The following SMARCAL1 variants were observed in gnomAD, a reference collection of about 807,000 sequenced individuals.
SMARCAL1 encodes ATP-driven annealing helicase.
A neutral mutation model predicts 94.5 loss-of-function variants in SMARCAL1; 58 were observed. The ratio of observed to expected loss-of-function variants is 0.61; its 90% CI spans 0.50 to 0.76. The LOEUF (loss-of-function observed/expected upper bound fraction) is 0.76. SMARCAL1 is among the 30% of genes least tolerant of loss of function. SMARCAL1 has a pLI of 0.00. For missense variants in SMARCAL1, 1,051 were observed against 1,177.9 expected, an observed-to-expected ratio of 0.89 and a Z score of 1.58; for synonymous variants, 422 against 455.1, an observed-to-expected ratio of 0.93 and a Z score of 0.93.
At chr2:216,451,774 A>G (rs1438830602) in intron 12 of SMARCAL1, among the ~76,000 whole-genome samples, 1 of 152,076 alleles carries the variant, frequency 6.6e-6, no homozygotes, top group Non-Finnish European at 1.5e-5. Context: ...ATACTGTGCT[A>G]AGTGCTATAA....
intron 14 of SMARCAL1, among the ~76,000 whole-genome samples, chr2:216,469,279 C>CTTTTTT (rs71054477): frequency 3.9e-5 from 4 of 102,996 alleles, no homozygotes; most frequent in East Asian, 2.7e-4. Context: ...TTAGAGATTT[C>CTTTTTT]TTTTTTTTTT....
At chr2:216,474,128 C>CTTTTTT (rs1182416023) in intron 14 of SMARCAL1, among the ~76,000 whole-genome samples, 9 of 64,926 alleles carry the variant, frequency 1.4e-4, no homozygotes, top group East Asian at 5.9e-4. Flanking sequence ...GTATAGCATT[C>CTTTTTT]TTTTTTTTTT....
At chr2:216,455,610 C>A (rs1694548019) in intron 12 of SMARCAL1, among the ~76,000 whole-genome samples, 1 of 152,226 alleles carries the variant, frequency 6.6e-6, no homozygotes. Context: ...GGTCCTCCAG[C>A]AAACTCCAAC....
chr2:216,457,340 T>A (rs542034948), intron 12 of SMARCAL1, among the ~76,000 whole-genome samples: 23 of 152,322 alleles, frequency 1.5e-4, no homozygotes, highest in African/African-American at 4.1e-4. Flanking sequence ...CAAGCGGACC[T>A]AATAGACATC....
At chr2:216,436,979 A>G (rs1483375919) in intron 9 of SMARCAL1, among the ~76,000 whole-genome samples, 1 of 152,226 alleles carries the variant, frequency 6.6e-6, no homozygotes, top group East Asian at 1.9e-4. Context: ...CTGGCCCATC[A>G]CTTAACCTGC....
intron 17 of SMARCAL1, among the ~76,000 whole-genome samples, 170 bp downstream of exon 17, chr2:216,478,469 G>A (rs986819483): frequency 6.6e-6 from 1 of 152,144 alleles, no homozygotes; most frequent in African/African-American, 2.4e-5. Flanking sequence ...TGCATGCATC[G>A]CTTTATGGGG....
intron 10 of SMARCAL1, among the ~76,000 whole-genome samples, chr2:216,445,864 C>A (rs1361864554): frequency 6.6e-6 from 1 of 152,146 alleles, no homozygotes; most frequent in Non-Finnish European, 1.5e-5. Flanking sequence ...AATGATTTTT[C>A]TTTTCACTGT....
At chr2:216,446,629 A>G in intron 10 of SMARCAL1, 2 of 460,672 alleles carry the variant, frequency 4.3e-6, no homozygotes, top group Non-Finnish European at 8.7e-6. Context: ...GTTCTCCAGG[A>G]TACTAATTAG....
At chr2:216,447,540 A>T (rs112462395) in intron 11 of SMARCAL1, among the ~76,000 whole-genome samples, 86 of 152,188 alleles carry the variant, frequency 5.7e-4, no homozygotes, top group African/African-American at 1.8e-3. Flanking sequence ...CCTAGAGAAG[A>T]TGCTGGCACT....
chr2:216,464,725 A>G (rs1003805521), intron 13 of SMARCAL1, 58 bp downstream of exon 13: 32 of 1,099,522 alleles, frequency 2.9e-5, no homozygotes, highest in Non-Finnish European at 1.4e-6. Flanking sequence ...AAAAAAAAAC[A>G]ACTTATTACT....
At chr2:216,463,717 T>C (rs1694761069) in intron 12 of SMARCAL1, among the ~76,000 whole-genome samples, 1 of 152,148 alleles carries the variant, frequency 6.6e-6, no homozygotes, top group African/African-American at 2.4e-5. Context: ...GTGGGAGGTA[T>C]ACCAAGAACA....
intron 12 of SMARCAL1, among the ~76,000 whole-genome samples, chr2:216,462,075 G>A (rs192940440): frequency 5.9e-5 from 9 of 152,290 alleles, no homozygotes; most frequent in East Asian, 3.9e-4. Flanking sequence ...GGGTTGGTAC[G>A]TTTTGCTGCA....
At chr2:216,460,811 T>G (rs1694681558) in intron 12 of SMARCAL1, among the ~76,000 whole-genome samples, 1 of 152,234 alleles carries the variant, frequency 6.6e-6, no homozygotes, top group East Asian at 1.9e-4. Context: ...GTTGTGCACA[T>G]GTACCCTAGA....
intron 14 of SMARCAL1, among the ~76,000 whole-genome samples, chr2:216,471,821 A>G (rs565338742): frequency 6.6e-6 from 1 of 152,354 alleles, no homozygotes; most frequent in East Asian, 1.9e-4. Context: ...GCTGTTTATA[A>G]TATTCAATAA....
rs1033156954 is a variant in SMARCAL1, at chr2:216,482,866, T to C, written c.2754T>C (p.Ser918=). ...PGSASGTSGS[S]SQNMGDTLDE... ...GTGCTTCAGGAACATCTGGAAGTAGTTCCCAGAACATGGGAGACACCCTGG... is the reference window on the plus strand; with the variant it reads ...GTGCTTCAGGAACATCTGGAAGTAGCTCCCAGAACATGGGAGACACCCTGG... Residue 918 remains serine (S), a synonymous_variant, in exon 18 of 18, where the codon AGT becomes AGC. Transcript: ENST00000357276. This position sits in a 1 kb window ranked among gnomAD's most constrained non-coding sequence, Gnocchi z 4.3. 6 of 1,614,076 alleles carry C rather than the reference T, an allele frequency of 3.7e-6. No homozygotes were observed. Among genetic ancestry groups the C allele is most frequent in the Non-Finnish European group, 4.2e-6 (5 of 1,180,060 alleles).
chr2:216,436,482 G>T (rs951711503), intron 9 of SMARCAL1, among the ~76,000 whole-genome samples: 1 of 152,200 alleles, frequency 6.6e-6, no homozygotes, highest in Non-Finnish European at 1.5e-5. Flanking sequence ...AGAAGATACC[G>T]TTACTGACCT....
chr2:216,454,376 A>G (rs1298115690), intron 12 of SMARCAL1, among the ~76,000 whole-genome samples: 1 of 152,244 alleles, frequency 6.6e-6, no homozygotes, highest in Admixed American at 6.5e-5. Flanking sequence ...AGTAACATTT[A>G]TTGAATACTT....
Position 216,415,069 on chromosome 2 carries a change from T to A in SMARCAL1, c.365T>A (p.Ile122Asn), listed in dbSNP as rs765105653. Residue 122 changes from isoleucine (I) to asparagine (N), a missense_variant, in exon 3 of 18, where the codon ATC becomes AAC. Ile to Asn is a moderately radical substitution (Grantham distance 149). Around this residue, in one of 3 missense-constraint regions of SMARCAL1, gnomAD observed 398 missense variants for 395.2 expected, o/e 1.01. Coordinates refer to ENST00000357276, the MANE Select transcript of SMARCAL1 (RefSeq NM_014140.4). Reference protein sequence around the residue: ...SPRSQMALTGISPPLAQSPPE... With the variant: ...SPRSQMALTGNSPPLAQSPPE... ...CGTAGTCAAATGGCTCTCACTGGAA[T>A]CTCTCCTCCCTTGGCACAAAGTCCT... 6.2e-7 allele frequency: 1 copy of A among 1,614,200 alleles called. No individual in the cohort carries two copies. Among genetic ancestry groups the A allele is most frequent in the Non-Finnish European group, 8.5e-7 (1 of 1,180,034 alleles).
intron 15 of SMARCAL1, among the ~76,000 whole-genome samples, chr2:216,476,260 A>C (rs1172841589): frequency 3.9e-5 from 6 of 151,978 alleles, no homozygotes; most frequent in Non-Finnish European, 7.4e-5. Flanking sequence ...TAATGGGTAG[A>C]CCTTGAGGGT....
Sources: gnomAD v4.1 joint callset for allele counts (sites outside exome capture counted in the v4.1 genomes callset) on GRCh38, gnomAD v4.1.1 for gene constraint, gnomAD v4.1.1 regional missense constraint, Gnocchi (gnomAD v3.1) non-coding constraint, MANE v1.5 for transcripts, NCBI Gene and HGNC (gene_info 2026-07-23, HGNC 2026-07-21) for gene names.